The following TPRG1 variants were observed in gnomAD, a reference collection of about 807,000 sequenced individuals.
TPRG1 encodes the protein tumor protein p63 regulated 1, also known as tumor protein p63-regulated gene 1 protein.
In TPRG1, 29 loss-of-function variants were observed where a neutral mutation model predicts 29.3. That is an observed-to-expected ratio of 0.99 (90% CI 0.74 to 1.35). The LOEUF (loss-of-function observed/expected upper bound fraction) is 1.35. Among genes scored for constraint, TPRG1 ranks in the 40% most tolerant of loss-of-function variants. The pLI is 0.00. For synonymous variants in TPRG1, 130 were observed against 116.8 expected, an observed-to-expected ratio of 1.11 and a Z score of -0.73; for missense variants, 327 against 335.0, an observed-to-expected ratio of 0.98 and a Z score of 0.19.
chr3:189,020,523 C>T (rs1473220701), intron 3 of TPRG1, among the ~76,000 whole-genome samples: 4 of 151,556 alleles, frequency 2.6e-5, no homozygotes, highest in Non-Finnish European at 4.4e-5. Context: ...TGTTCAGTTT[C>T]CATGTAGTTG....
At chr3:189,295,265 G>A (rs571354355) in intron 4 of TPRG1, among the ~76,000 whole-genome samples, 11 of 152,210 alleles carry the variant, frequency 7.2e-5, no homozygotes, top group African/African-American at 2.6e-4. Flanking sequence ...TAGACTGTGA[G>A]CAACCTGAAT....
rs187456783 is a variant in TPRG1 at position 189,117,106 on chromosome 3, T to C, written c.-743-9951T>C. Among the ~76,000 whole-genome samples, 337 of 152,346 alleles carry C rather than the reference T, an allele frequency of 2.2e-3. 1 individual carries two copies. Among genetic ancestry groups the C allele is most frequent in the South Asian group, 8.7e-3 (42 of 4,828 alleles). ...CTCCAGTTTAAACAGTCTTACTTCC[T>C]TTACCTGAGCCAAAGTGTCATGCAA... On this transcript the variant is annotated intron_variant, in intron 1 of 6. Coordinates refer to the TPRG1 transcript ENST00000412373.
chr3:189,243,891 A>T (rs943958138), intron 4 of TPRG1, among the ~76,000 whole-genome samples: 3 of 152,196 alleles, frequency 2.0e-5, no homozygotes, highest in Admixed American at 6.5e-5. Flanking sequence ...CACTGTCTAT[A>T]TCACTATCAG....
intron 2 of TPRG1, among the ~76,000 whole-genome samples, chr3:189,003,546 G>A (rs1712135758): frequency 6.6e-6 from 1 of 152,118 alleles, no homozygotes; most frequent in Admixed American, 6.6e-5. Flanking sequence ...TTGGAGACCT[G>A]CAGTAGCTAA....
chr3:188,998,888 T>C (rs1326851536), intron 1 of TPRG1, among the ~76,000 whole-genome samples: 2 of 152,174 alleles, frequency 1.3e-5, no homozygotes, highest in Non-Finnish European at 2.9e-5. Flanking sequence ...GAACTAGTTC[T>C]ATTGTTCAGC....
intron 2 of TPRG1, among the ~76,000 whole-genome samples, chr3:189,001,525 C>T (rs1712016667): frequency 6.6e-6 from 1 of 152,138 alleles, no homozygotes; most frequent in Non-Finnish European, 1.5e-5. Context: ...CCTTGGGTCT[C>T]TTTTAAAAGA....
intron 4 of TPRG1, among the ~76,000 whole-genome samples, chr3:189,295,223 CCTGT>C (rs1303403715): frequency 6.6e-6 from 1 of 152,156 alleles, no homozygotes; most frequent in Non-Finnish European, 1.5e-5. Context: ...TCAGTTTTCT[CCTGT>C]CTTTCTTAGA....
At chr3:189,212,367 C>T (rs997125271) in intron 2 of TPRG1, among the ~76,000 whole-genome samples, 2 of 152,100 alleles carry the variant, frequency 1.3e-5, no homozygotes, top group African/African-American at 4.8e-5. Flanking sequence ...ATTTGGCTTT[C>T]ATACTCTCTC....
upstream of TPRG1, among the ~76,000 whole-genome samples, chr3:189,170,766 G>A (rs1421227047): frequency 6.6e-6 from 1 of 152,146 alleles, no homozygotes; most frequent in East Asian, 1.9e-4. Flanking sequence ...GTGGCGAGTT[G>A]CCAGTTTGCA....
chr3:189,059,812 G>A (rs1715981098), intron 4 of TPRG1, among the ~76,000 whole-genome samples: 1 of 152,130 alleles, frequency 6.6e-6, no homozygotes, highest in Admixed American at 6.5e-5. Flanking sequence ...TTCATCCCCA[G>A]GATGCAAGGT....
upstream of TPRG1, among the ~76,000 whole-genome samples, chr3:189,169,529 A>C (rs1274416469): frequency 1.3e-5 from 2 of 152,222 alleles, no homozygotes; most frequent in African/African-American, 4.8e-5. Flanking sequence ...TCTGAAGGCC[A>C]ATCTGGTAAA....
intron 4 of TPRG1, among the ~76,000 whole-genome samples, chr3:189,255,322 C>T (rs962113162): frequency 5.3e-5 from 8 of 152,102 alleles, no homozygotes; most frequent in East Asian, 1.9e-4. Context: ...TAATGGATTA[C>T]GTTTATTGAT....
intron 4 of TPRG1, among the ~76,000 whole-genome samples, chr3:189,275,469 T>C (rs55637716): frequency 0.2 from 31,030 of 151,906 alleles, 4,129 homozygotes; most frequent in African/African-American, 0.39. Context: ...ACAAAGGAAA[T>C]AGTATAAGAC....
At chr3:189,061,313 A>G (rs1716090097) in intron 4 of TPRG1, among the ~76,000 whole-genome samples, 1 of 152,240 alleles carries the variant, frequency 6.6e-6, no homozygotes, top group Non-Finnish European at 1.5e-5. Flanking sequence ...AAAGACTTAA[A>G]TGTAAAACCC....
intron 5 of TPRG1, among the ~76,000 whole-genome samples, chr3:189,314,025 GTTAT>G (rs1289511281): frequency 1.3e-5 from 2 of 152,132 alleles, no homozygotes; most frequent in African/African-American, 4.8e-5. Context: ...GAGATTTTGA[GTTAT>G]TCAGGAGAGA....
intron 1 of TPRG1, among the ~76,000 whole-genome samples, chr3:189,111,332 T>A (rs1434841467): frequency 1.3e-5 from 2 of 152,106 alleles, no homozygotes; most frequent in African/African-American, 4.8e-5. Context: ...AGGCTTTTTG[T>A]TGCTATTGTA....
intron 2 of TPRG1, among the ~76,000 whole-genome samples, chr3:189,127,786 G>A (rs1001004852): frequency 1.4e-4 from 22 of 152,208 alleles, no homozygotes; most frequent in African/African-American, 5.3e-4. Flanking sequence ...AGAGAAAGAA[G>A]TATGAAATCA....
At chr3:189,219,735 G>A (rs1451158957) in intron 3 of TPRG1, 23 of 1,199,702 alleles carry the variant, frequency 1.9e-5, no homozygotes, top group South Asian at 3.1e-5. Flanking sequence ...CTCCACACAC[G>A]TTAGTGTGAA....
At chr3:189,010,775 A>C (rs754223746) in intron 3 of TPRG1, among the ~76,000 whole-genome samples, 3 of 152,164 alleles carry the variant, frequency 2.0e-5, no homozygotes, top group Non-Finnish European at 4.4e-5. Context: ...GAAGCTCTTT[A>C]GTTAATTAGA....
Sources: allele counts gnomAD v4.1 joint callset (sites outside exome capture counted in the v4.1 genomes callset), GRCh38; gene constraint gnomAD v4.1.1; transcripts MANE v1.5; gene names NCBI Gene and HGNC (gene_info 2026-07-23, HGNC 2026-07-21).